The following PPM1L variants were observed in gnomAD, a reference collection of about 807,000 sequenced individuals.
PPM1L encodes protein phosphatase 1L.
A neutral mutation model predicts 31.4 loss-of-function variants in PPM1L; 13 were observed. The ratio of observed to expected loss-of-function variants is 0.41; its 90% confidence interval spans 0.27 to 0.66. The LOEUF (loss-of-function observed/expected upper bound fraction) is 0.66, where lower values mean the gene tolerates loss of function less well. PPM1L is among the 30% of genes least tolerant of loss of function. PPM1L has a pLI of 0.29. For synonymous variants in PPM1L, 184 were observed against 175.4 expected, an observed-to-expected ratio of 1.05 and a Z score of -0.39; for missense variants, 326 against 453.7, an observed-to-expected ratio of 0.72 and a Z score of 2.56.
At chr3:160,915,319 G>C (rs1227533379) in intron 1 of PPM1L, among the ~76,000 whole-genome samples, 3 of 152,088 alleles carry the variant, frequency 2.0e-5, no homozygotes, top group Non-Finnish European at 4.4e-5. Flanking sequence ...TTGCTTCAAA[G>C]AGAATAAAAT....
intron 2 of PPM1L, among the ~76,000 whole-genome samples, chr3:161,064,125 A>G (rs1219331983): frequency 1.3e-5 from 2 of 151,812 alleles, no homozygotes; most frequent in Non-Finnish European, 2.9e-5. Flanking sequence ...ACCATGGCAC[A>G]TGTATACCTA....
At position 160,972,627 on chromosome 3, in the gene PPM1L, C is replaced by G. The variant is rs1363026469; in HGVS notation, c.574+10717C>G. Reference sequence around the variant, plus strand: ...TTGGACATTTGGGTTGGTTCAAAGTCTTTGCTATTGTGAATAATGCTGCAA... The same window carrying G: ...TTGGACATTTGGGTTGGTTCAAAGTGTTTGCTATTGTGAATAATGCTGCAA... On this transcript the variant is annotated intron_variant, in intron 2 of 3. Coordinates refer to ENST00000498165, the MANE Select transcript of PPM1L (RefSeq NM_139245.4). Among the ~76,000 whole-genome samples, 40 of 152,070 alleles carry G rather than the reference C, an allele frequency of 2.6e-4. 1 individual carries two copies.
chr3:160,927,480 G>A (rs1418864600), intron 1 of PPM1L, among the ~76,000 whole-genome samples: 2 of 151,846 alleles, frequency 1.3e-5, no homozygotes, highest in Admixed American at 1.3e-4. Context: ...TGTGTCTGTA[G>A]TCTGATGCTG....
At chr3:160,829,622 T>A (rs1420520692) in intron 1 of PPM1L, among the ~76,000 whole-genome samples, 2 of 152,178 alleles carry the variant, frequency 1.3e-5, no homozygotes, top group African/African-American at 2.4e-5. Flanking sequence ...TATCAGGGCT[T>A]TCTGTTTCCT....
intron 1 of PPM1L, among the ~76,000 whole-genome samples, chr3:160,762,618 T>A (rs1576626876): frequency 6.6e-6 from 1 of 152,282 alleles, no homozygotes; most frequent in Non-Finnish European, 1.5e-5. Context: ...GTGTGATGGC[T>A]TGACTGAAGG....
chr3:160,917,227 C>A (rs1714215557), intron 1 of PPM1L, among the ~76,000 whole-genome samples: 1 of 152,174 alleles, frequency 6.6e-6, no homozygotes, highest in Non-Finnish European at 1.5e-5. Flanking sequence ...ATTAGTGGGA[C>A]AAATTTGGTC....
rs535751344 is a variant in PPM1L at position 160,870,845 on chromosome 3, T to C, written c.400-90891T>C. On this transcript the variant is annotated intron_variant, in intron 1 of 3. Coordinates refer to ENST00000498165, the MANE Select transcript of PPM1L (RefSeq NM_139245.4). ...ATTGAAATAAATGTTGTAGAGTGGT[T>C]TTAGCTCTTGGCAAATCATGCAATA... 8.5e-4 allele frequency among the ~76,000 whole-genome samples: 129 copies of C among 152,294 alleles called. 1 individual carries two copies. The highest frequency in any genetic ancestry group is 2.9e-3 in the African/African-American group (121 of 41,564).
intron 2 of PPM1L, among the ~76,000 whole-genome samples, chr3:161,036,679 T>C (rs901716872): frequency 2.0e-5 from 3 of 152,312 alleles, no homozygotes; most frequent in African/African-American, 7.2e-5. Context: ...TTTATCTAGG[T>C]TTTTTTCTCC....
intron 1 of PPM1L, among the ~76,000 whole-genome samples, chr3:160,831,192 G>A (rs569806813): frequency 6.6e-6 from 1 of 152,266 alleles, no homozygotes; most frequent in African/African-American, 2.4e-5. Context: ...TGATGAGTTG[G>A]ATGTTCCCAA....
At chr3:161,050,753 C>A (rs1719248491) in intron 2 of PPM1L, among the ~76,000 whole-genome samples, 1 of 152,082 alleles carries the variant, frequency 6.6e-6, no homozygotes, top group South Asian at 2.1e-4. Flanking sequence ...TTTTGTCATA[C>A]TATAGCTACT....
intron 2 of PPM1L, among the ~76,000 whole-genome samples, chr3:161,019,026 T>C (rs1270350331): frequency 6.6e-6 from 1 of 152,246 alleles, no homozygotes; most frequent in Non-Finnish European, 1.5e-5. Context: ...CTTCTATCTA[T>C]ATTCAGCTGA....
intron 1 of PPM1L, among the ~76,000 whole-genome samples, chr3:160,893,089 A>G (rs1284432665): frequency 6.6e-6 from 1 of 152,234 alleles, no homozygotes; most frequent in Admixed American, 6.5e-5. Context: ...GGTAGACCTA[A>G]GAAGGCCATT....
At chr3:160,776,930 A>T (rs1711573123) in intron 1 of PPM1L, among the ~76,000 whole-genome samples, 1 of 152,106 alleles carries the variant, frequency 6.6e-6, no homozygotes, top group South Asian at 2.1e-4. Flanking sequence ...GGTGCCCTAT[A>T]AAGGTTTGTC....
intron 1 of PPM1L, among the ~76,000 whole-genome samples, chr3:160,937,281 C>G (rs1162029986): frequency 2.0e-5 from 3 of 152,144 alleles, no homozygotes; most frequent in Non-Finnish European, 4.4e-5. Flanking sequence ...AGAATTATAA[C>G]TTTTCTCATT....
At chr3:161,046,538 G>A (rs1285436031) in intron 2 of PPM1L, among the ~76,000 whole-genome samples, 1 of 152,090 alleles carries the variant, frequency 6.6e-6, no homozygotes, top group South Asian at 2.1e-4. Context: ...CATTCCTTCT[G>A]AAACTATTCC....
At chr3:160,973,764 G>GTTTTTTTTTT (rs75599237) in intron 2 of PPM1L, among the ~76,000 whole-genome samples, 3,213 of 87,660 alleles carry the variant, frequency 0.037, 540 homozygotes, top group Non-Finnish European at 0.064. Flanking sequence ...GAAAGGCCCT[G>GTTTTTTTTTT]TTTTTTTTTT....
intron 1 of PPM1L, among the ~76,000 whole-genome samples, chr3:160,897,110 T>C (rs955999219): frequency 6.6e-6 from 1 of 151,146 alleles, no homozygotes; most frequent in African/African-American, 2.4e-5. Context: ...TGGTGTGATC[T>C]TGGCTCACTG....
At chr3:160,799,607 T>C (rs1712364211) in intron 1 of PPM1L, among the ~76,000 whole-genome samples, 1 of 152,254 alleles carries the variant, frequency 6.6e-6, no homozygotes, top group African/African-American at 2.4e-5. Context: ...ACTGCTTTAT[T>C]GTGTTGGTCT....
chr3:160,903,798 C>G (rs919511186), intron 1 of PPM1L, among the ~76,000 whole-genome samples: 2 of 149,486 alleles, frequency 1.3e-5, no homozygotes, highest in South Asian at 2.2e-4. Context: ...GTCTATATTC[C>G]AATGGAAGAG....
Sources: allele counts gnomAD v4.1 joint callset (sites outside exome capture counted in the v4.1 genomes callset), GRCh38; gene constraint gnomAD v4.1.1; transcripts MANE v1.5; gene names NCBI Gene and HGNC (gene_info 2026-07-23, HGNC 2026-07-21).